Variants in NCAPD3 observed in about 807,000 individuals in gnomAD.
NCAPD3 encodes the protein condensin-2 complex subunit D3.
NCAPD3 carries 105 observed loss-of-function variants against 182.9 expected under a neutral mutation model. That is an observed-to-expected ratio of 0.57 (90% CI 0.49 to 0.68). The LOEUF (loss-of-function observed/expected upper bound fraction) is 0.68, where lower values mean the gene tolerates loss of function less well. Ranked by LOEUF, NCAPD3 falls within the 30% of genes least tolerant of loss-of-function variation. The probability of loss-of-function intolerance (pLI) is 0.00; values close to 1 mark genes in which losing one functional copy is unlikely to be tolerated. For synonymous variants in NCAPD3, 815 were observed against 679.9 expected (o/e 1.20, Z -3.09); for missense variants, 1,944 against 1,837.0 (o/e 1.06, Z -1.07).
At chr11:134,179,036 A>T in intron 20 of NCAPD3, 100 bp from the exon 21 acceptor site, 2 of 746,430 alleles carry the variant, frequency 2.7e-6, no homozygotes, top group South Asian at 3.6e-5. Context: ...TTATCCCCCA[A>T]ATTTAAAACA....
In NCAPD3 at chr11:134,165,181, CTT is replaced by C. The variant is rs562154731; in HGVS notation, c.3573+2813_3573+2814del. 1.3e-3 allele frequency among the ~76,000 whole-genome samples: 191 copies of C among 146,906 alleles called. 1 individual carries two copies. The highest frequency in any genetic ancestry group is 2.3e-3 in the East Asian group (11 of 4,704). On this transcript the variant is annotated intron_variant, in intron 27 of 34. Coordinates refer to ENST00000534548, the MANE Select transcript of NCAPD3 (RefSeq NM_015261.3). Reference sequence around the variant, plus strand: ...AGATGAGCTGAGGAGGAGCTGCACACTTGTGAGATGAGCTTGGGGGAGCGGCA... The same window carrying C: ...AGATGAGCTGAGGAGGAGCTGCACACGTGAGATGAGCTTGGGGGAGCGGCA...
At chr11:134,217,206 T>A in intron 2 of NCAPD3, 108 bp from the exon 3 acceptor site, 2 of 1,015,132 alleles carry the variant, frequency 2.0e-6, no homozygotes, top group Non-Finnish European at 2.7e-6. Context: ...AGGAATAGAG[T>A]AGCCTGGCTC....
chr11:134,161,087 A>G (rs1185528723), intron 28 of NCAPD3, among the ~76,000 whole-genome samples: 1 of 152,134 alleles, frequency 6.6e-6, no homozygotes, highest in African/African-American at 2.4e-5. Flanking sequence ...ATTTATATTC[A>G]ATGTAATTTT....
intron 16 of NCAPD3, among the ~76,000 whole-genome samples, chr11:134,187,827 T>G (rs573839287): frequency 6.6e-6 from 1 of 152,206 alleles, no homozygotes; most frequent in African/African-American, 2.4e-5. Flanking sequence ...TGAACTATTC[T>G]GTGAATCTCC....
chr11:134,183,092 C>T (rs565209475), intron 19 of NCAPD3: 18 of 456,176 alleles, frequency 3.9e-5, no homozygotes, highest in African/African-American at 1.0e-4. Context: ...CAGCAGCAAG[C>T]GGCAGATGAC....
At chr11:134,218,681 T>C (rs1450370495) in intron 2 of NCAPD3, among the ~76,000 whole-genome samples, 4 of 152,180 alleles carry the variant, frequency 2.6e-5, no homozygotes, top group Admixed American at 6.5e-5. Flanking sequence ...ACCATGTTTT[T>C]AAGATATCTC....
intron 32 of NCAPD3, among the ~76,000 whole-genome samples, chr11:134,155,762 G>A (rs1209317281): frequency 6.6e-6 from 1 of 150,470 alleles, no homozygotes; most frequent in Non-Finnish European, 1.5e-5. Flanking sequence ...CACACAGCAA[G>A]CTCTAACACA....
chr11:134,184,240 T>C (rs931481825), intron 19 of NCAPD3, among the ~76,000 whole-genome samples: 6 of 152,208 alleles, frequency 3.9e-5, no homozygotes, highest in Non-Finnish European at 7.3e-5. Flanking sequence ...TTATGACTTA[T>C]CAGAAGGTCA....
chr11:134,200,193 G>A (rs992320560), intron 13 of NCAPD3, among the ~76,000 whole-genome samples: 4 of 152,120 alleles, frequency 2.6e-5, no homozygotes, highest in African/African-American at 9.7e-5. Context: ...ATTACACAAC[G>A]ATTTCTTAGC....
chr11:134,177,321 G>A lies in NCAPD3; in HGVS notation c.2919C>T (p.Thr973=). The A allele has an allele frequency of 6.2e-7, 1 of 1,614,190 alleles. No homozygotes were observed. Among genetic ancestry groups the A allele is most frequent in the Non-Finnish European group, 8.5e-7 (1 of 1,180,030 alleles). Residue 973 remains threonine, a synonymous_variant, in exon 23 of 35, where the codon ACC becomes ACT. Transcript: ENST00000534548. ...IVMCDLCIRY[T]IMVDKYIPNI... Reference sequence around the variant, plus strand: ...TGGGAATATACTTGTCCACCATGATGGTGTAGCGAATGCAGAGATCGCACA... The same window carrying A: ...TGGGAATATACTTGTCCACCATGATAGTGTAGCGAATGCAGAGATCGCACA...
chr11:134,179,543 A>G (rs1172452233), intron 20 of NCAPD3, among the ~76,000 whole-genome samples: 1 of 152,220 alleles, frequency 6.6e-6, no homozygotes, highest in East Asian at 1.9e-4. Context: ...CCCTTTGCTA[A>G]TGTTTCGATT....
chr11:134,208,249 C>T (rs983063531), intron 7 of NCAPD3, among the ~76,000 whole-genome samples: 1 of 152,132 alleles, frequency 6.6e-6, no homozygotes, highest in Non-Finnish European at 1.5e-5. Flanking sequence ...TTTGCAAAAT[C>T]TTATTGTTTC....
At chr11:134,220,444 C>T (rs1439880287) in intron 2 of NCAPD3, 128 bp downstream of exon 2, 2 of 802,034 alleles carry the variant, frequency 2.5e-6, no homozygotes, top group African/African-American at 1.7e-5. Context: ...TAACCACATT[C>T]TTTATGTTAC....
chr11:134,158,452 T>C lies in NCAPD3; in HGVS notation c.3911A>G (p.Glu1304Gly), dbSNP rs1380805103. The stretch of plus-strand genomic sequence containing the variant: ...CACGGCAGGTGACATGGCAGGGTTT[T>C]CTTGGCCAGCAGGAACTGGCACTGT... Reference protein sequence around the residue: ...LETVPVPAGQENPAMSPAVSQ... With the variant: ...LETVPVPAGQGNPAMSPAVSQ... The change falls in exon 30 of 35, where the codon GAA (glutamate) becomes GGA (glycine). Residue 1304 changes from glutamate to glycine, a missense_variant. Transcript: ENST00000534548. 1.2e-6 allele frequency: 2 copies of C among 1,614,072 alleles called. No homozygotes were observed. The highest frequency in any genetic ancestry group is 2.7e-5 in the African/African-American group (2 of 74,940).
chr11:134,214,170 TA>T (rs879839835), intron 3 of NCAPD3, among the ~76,000 whole-genome samples: 36 of 149,436 alleles, frequency 2.4e-4, no homozygotes, highest in African/African-American at 7.9e-4. Context: ...CTAAGTCCAT[TA>T]AAAAAAAAGG....
rs763804894 is a variant in NCAPD3 at position 134,206,618 on chromosome 11, G to C, written c.997C>G (p.Gln333Glu). The change falls in exon 8 of 35, where the codon CAG becomes GAG. Residue 333 changes from glutamine to glutamate, a missense_variant. Transcript: ENST00000534548. ...CTTCACCTGATAAACTGGACCGCCT[G>C]GTTTCTACAGTTGATGACTTGGGAG... ...VTSQVINCRN[Q>E]AVQFISALVD... 1.2e-6 allele frequency: 2 copies of C among 1,613,226 alleles called. No individual in the cohort carries two copies. The highest frequency in any genetic ancestry group is 1.7e-6 in the Non-Finnish European group (2 of 1,179,728).
In NCAPD3 at chr11:134,178,807, T is replaced by C. The variant is rs1944229145; in HGVS notation, c.2674+15A>G. 1.2e-6 allele frequency: 2 copies of C among 1,613,648 alleles called. No homozygotes were observed. Among genetic ancestry groups the C allele is most frequent in the African/African-American group, 1.3e-5 (1 of 74,902 alleles). On this transcript the variant is annotated intron_variant, in intron 21 of 34. Coordinates refer to ENST00000534548, the MANE Select transcript of NCAPD3 (RefSeq NM_015261.3). ...ACGGCATGCGTGCTACAGAGTATGA[T>C]TTCAAATGCCTTACAGTGGTCAGCA... is the stretch of plus-strand genomic sequence containing the variant.
At chr11:134,172,513 GCCC>G (rs1944032405) in intron 24 of NCAPD3, among the ~76,000 whole-genome samples, 1 of 152,098 alleles carries the variant, frequency 6.6e-6, no homozygotes, top group South Asian at 2.1e-4. Context: ...CCTTGTTGTT[GCCC>G]CCTTTTCTAT....
chr11:134,160,015 C>T lies in NCAPD3; in HGVS notation c.3744G>A (p.Leu1248=). 1 of 1,614,186 alleles carries T rather than the reference C, an allele frequency of 6.2e-7. No homozygotes were observed. The highest frequency in any genetic ancestry group is 1.1e-5 in the South Asian group (1 of 91,082). Reference sequence around the variant, plus strand: ...TCATGTCATACTCAAGCTCTGATGCCAGCTGTTTGTCAACTGCAAAGAAGT... The same window carrying T: ...TCATGTCATACTCAAGCTCTGATGCTAGCTGTTTGTCAACTGCAAAGAAGT... The part of the protein sequence containing the change: ...LKDFFAVDKQ[L]ASELEYDMKK... Residue 1248 remains leucine (L), a synonymous_variant, in exon 29 of 35, where the codon CTG becomes CTA. Transcript: ENST00000534548.
Sources: allele counts gnomAD v4.1 joint callset (sites outside exome capture counted in the v4.1 genomes callset), GRCh38; gene constraint gnomAD v4.1.1; transcripts MANE v1.5; gene names NCBI Gene and HGNC (gene_info 2026-07-23, HGNC 2026-07-21).